Variants in SERINC1 observed in about 807,000 individuals in gnomAD.
The protein encoded by SERINC1 is tumor differentially expressed protein 2.
SERINC1 carries 38 observed loss-of-function variants against 52.9 expected under a neutral mutation model. That is an observed-to-expected ratio of 0.72 (90% CI 0.55 to 0.94). SERINC1 has a LOEUF of 0.94. Ranked by LOEUF, SERINC1 falls within the 40% of genes least tolerant of loss-of-function variation. The probability of loss-of-function intolerance (pLI) is 0.00; values close to 1 mark genes in which losing one functional copy is unlikely to be tolerated. For missense variants in SERINC1, 471 were observed against 533.9 expected (o/e 0.88, Z 1.16); for synonymous variants, 198 against 183.1 (o/e 1.08, Z -0.66).
chr6:122,453,711 T>C (rs961622417), intron 5 of SERINC1, 59 bp downstream of exon 5: 13 of 1,428,308 alleles, frequency 9.1e-6, no homozygotes, highest in Non-Finnish European at 1.2e-5. Flanking sequence ...CTAGTCTACA[T>C]ATCTATTCTC....
intron 2 of SERINC1, among the ~76,000 whole-genome samples, chr6:122,457,616 G>T (rs894214393): frequency 2.0e-5 from 3 of 152,042 alleles, no homozygotes; most frequent in Non-Finnish European, 4.4e-5. Context: ...GAAGAGAGCT[G>T]CTGCTTTCTT....
chr6:122,468,247 C>T (rs1448500127), intron 1 of SERINC1, among the ~76,000 whole-genome samples: 4 of 152,110 alleles, frequency 2.6e-5, no homozygotes, highest in African/African-American at 7.2e-5. Context: ...AAACTTAAAC[C>T]AGACTTTCTT....
intron 1 of SERINC1, among the ~76,000 whole-genome samples, chr6:122,470,505 A>G (rs568640871): frequency 2.0e-5 from 3 of 152,236 alleles, no homozygotes; most frequent in Non-Finnish European, 4.4e-5. Context: ...AGTTTTCAAA[A>G]CTGTTTATCA....
Position 122,471,379 on chromosome 6 carries a change from G to A in SERINC1, c.39+320C>T, listed in dbSNP as rs1418425506. Among the ~76,000 whole-genome samples, 6 of 151,016 alleles carry A rather than the reference G, an allele frequency of 4.0e-5. No individual in the cohort carries two copies. The East Asian group carries it at 6.0e-4, about 15-fold the overall frequency. On this transcript the variant is annotated intron_variant, in intron 1 of 9. Transcript: ENST00000339697. ...CCTGCGCAGATACAAACAAAACCAC[G>A]AAAAGGGACCTCAAAGAATGGGAGA...
chr6:122,455,959 A>G (rs1447536248), intron 3 of SERINC1, among the ~76,000 whole-genome samples: 4 of 152,190 alleles, frequency 2.6e-5, no homozygotes, highest in Non-Finnish European at 5.9e-5. Flanking sequence ...TTTATATTCT[A>G]CTTGTTTATA....
rs1358093875 is a variant in SERINC1 at position 122,444,502 on chromosome 6, T to A, written c.*542A>T. The A allele has an allele frequency of 6.6e-6, 1 of 152,332 alleles. No individual in the cohort carries two copies. The highest frequency in any genetic ancestry group is 2.4e-5 in the African/African-American group (1 of 41,426). 9.4% of individuals were successfully genotyped at this position (152,332 alleles called of 1,614,324 possible). On this transcript the variant is annotated 3_prime_UTR_variant, in exon 10 of 10. Transcript: ENST00000339697. The stretch of plus-strand genomic sequence containing the variant: ...ATTCAATTTAGTACCGACACCTCCA[T>A]CCATAACCTACACTATTGTCCACTA...
At position 122,444,019 on chromosome 6, in the gene SERINC1, T is replaced by G. The variant is rs1224184310; in HGVS notation, c.*1025A>C. ...TGATTTTCAATATATATATATTTTT[T>G]TGTCTTACTCTGTTGCCCAGGCTAG... is the stretch of plus-strand genomic sequence containing the variant. On this transcript the variant is annotated 3_prime_UTR_variant, in exon 10 of 10. Coordinates refer to ENST00000339697, the MANE Select transcript of SERINC1 (RefSeq NM_020755.4). The G allele has an allele frequency of 6.6e-6, 1 of 152,092 alleles. No individual in the cohort carries two copies. The highest frequency in any genetic ancestry group is 1.5e-5 in the Non-Finnish European group (1 of 68,004). 9.4% of individuals were successfully genotyped at this position (152,092 alleles called of 1,614,324 possible). A position where few individuals can be genotyped will look rare whatever the true frequency, so the allele number is the denominator to read the frequency against.
intron 7 of SERINC1, among the ~76,000 whole-genome samples, chr6:122,450,591 A>T (rs1774887506): frequency 6.6e-6 from 1 of 152,238 alleles, no homozygotes; most frequent in African/African-American, 2.4e-5. Context: ...TTCCTCTGAT[A>T]GATCTGGGTG....
At chr6:122,449,634 G>A (rs10457433) in intron 7 of SERINC1, among the ~76,000 whole-genome samples, 20,949 of 152,204 alleles carry the variant, frequency 0.14, 1,563 homozygotes, top group East Asian at 0.26. Context: ...AACTGTCTCC[G>A]TAACATAAAA....
At chr6:122,456,967 T>C (rs1199078182) in intron 2 of SERINC1, among the ~76,000 whole-genome samples, 1 of 152,190 alleles carries the variant, frequency 6.6e-6, no homozygotes, top group Non-Finnish European at 1.5e-5. Context: ...GTTTTAGTAG[T>C]GTAAGTGCTA....
At chr6:122,451,568 C>G in intron 7 of SERINC1, 96 bp downstream of exon 7, 1 of 461,040 alleles carries the variant, frequency 2.2e-6, no homozygotes, top group Non-Finnish European at 3.9e-6. Flanking sequence ...CCTCTAGAAG[C>G]CTAATTTTTA....
Position 122,452,038 on chromosome 6 carries a change from A to G in SERINC1, c.609T>C (p.Ala203=). 6.5e-7 allele frequency: 1 copy of G among 1,548,880 alleles called. No individual in the cohort carries two copies. Among genetic ancestry groups the G allele is most frequent in the Non-Finnish European group, 8.7e-7 (1 of 1,151,638 alleles). ...CAACTAAAGACAGCAGATAATTCAGAGCTGTAGCTGATAACAAGGCTGTGA... is the reference window on the plus strand; with the variant it reads ...CAACTAAAGACAGCAGATAATTCAGGGCTGTAGCTGATAACAAGGCTGTGA... ...CWYAALLSAT[A]LNYLLSLVAI... Residue 203 remains alanine, a synonymous_variant, in exon 6 of 10, where the codon GCT becomes GCC. Transcript: ENST00000339697.
intron 1 of SERINC1, among the ~76,000 whole-genome samples, chr6:122,469,448 C>T (rs1775238523): frequency 6.6e-6 from 1 of 151,434 alleles, no homozygotes; most frequent in Non-Finnish European, 1.5e-5. Flanking sequence ...GCCATCTTGG[C>T]TCACTGCAGC....
intron 1 of SERINC1, among the ~76,000 whole-genome samples, chr6:122,461,545 T>C (rs958584441): frequency 1.3e-5 from 2 of 150,248 alleles, no homozygotes; most frequent in African/African-American, 4.9e-5. Context: ...CATTGGGAGA[T>C]ATACCTAATG....
At chr6:122,468,388 G>A (rs1237353376) in intron 1 of SERINC1, among the ~76,000 whole-genome samples, 1 of 152,136 alleles carries the variant, frequency 6.6e-6, no homozygotes, top group East Asian at 1.9e-4. Context: ...CTCACCCCAG[G>A]TTGTGACAAT....
chr6:122,450,622 T>G (rs548686114), intron 7 of SERINC1, among the ~76,000 whole-genome samples: 27 of 152,198 alleles, frequency 1.8e-4, no homozygotes, highest in Non-Finnish European at 3.8e-4. Context: ...ACTGAAAACC[T>G]TCTGGAAAAG....
intron 5 of SERINC1, among the ~76,000 whole-genome samples, chr6:122,452,277 G>C (rs1362236856): frequency 6.6e-6 from 1 of 152,056 alleles, no homozygotes; most frequent in African/African-American, 2.4e-5. Context: ...TTATGTATTT[G>C]CAAGGATGGC....
At chr6:122,447,364 G>T in intron 7 of SERINC1, 99 bp from the exon 8 acceptor site, 1 of 835,512 alleles carries the variant, frequency 1.2e-6, no homozygotes. Context: ...CCTGCAAATT[G>T]AGAAACAATT....
At chr6:122,466,884 G>A (rs1476317907) in intron 1 of SERINC1, among the ~76,000 whole-genome samples, 1 of 152,114 alleles carries the variant, frequency 6.6e-6, no homozygotes, top group Non-Finnish European at 1.5e-5. Flanking sequence ...ATTAACTGGT[G>A]GAGAAGTGAA....
Sources: allele counts gnomAD v4.1 joint callset (sites outside exome capture counted in the v4.1 genomes callset), GRCh38; gene constraint gnomAD v4.1.1; transcripts MANE v1.5; gene names NCBI Gene and HGNC (gene_info 2026-07-23, HGNC 2026-07-21).